The following PARD3B variants were observed in gnomAD, a reference collection of about 807,000 sequenced individuals.
The protein encoded by PARD3B is partitioning defective 3 homolog B.
In PARD3B, 103 loss-of-function variants were observed where a neutral mutation model predicts 130.2. The observed-to-expected ratio is 0.79, with a 90% confidence interval of 0.67 to 0.93. The LOEUF is 0.93. Ranked by LOEUF, PARD3B falls within the 40% of genes least tolerant of loss-of-function variation. PARD3B has a pLI of 0.00. For synonymous variants in PARD3B, 583 were observed against 553.2 expected, an observed-to-expected ratio of 1.05 and a Z score of -0.76; for missense variants, 1,609 against 1,499.2, an observed-to-expected ratio of 1.07 and a Z score of -1.21.
At chr2:205,531,271 A>G (rs180766178) in intron 21 of PARD3B, among the ~76,000 whole-genome samples, 1 of 152,246 alleles carries the variant, frequency 6.6e-6, no homozygotes, top group East Asian at 1.9e-4. Flanking sequence ...AAAACACATC[A>G]TAGGATTAAT....
At chr2:205,580,440 C>G (rs2053920777) in intron 22 of PARD3B, among the ~76,000 whole-genome samples, 1 of 152,132 alleles carries the variant, frequency 6.6e-6, no homozygotes, top group Non-Finnish European at 1.5e-5. Context: ...TGAGTGGTGA[C>G]ACTGTTACAG....
intron 2 of PARD3B, among the ~76,000 whole-genome samples, chr2:204,842,787 G>A (rs1054226454): frequency 1.2e-4 from 19 of 152,068 alleles, no homozygotes; most frequent in Admixed American, 9.8e-4. Context: ...GCAGGCCTGC[G>A]CTGTGGGCTG....
Position 205,550,281 on chromosome 2 carries a change from G to A in PARD3B, c.3181-3043G>A, listed in dbSNP as rs894613320. 6.6e-6 allele frequency among the ~76,000 whole-genome samples: 1 copy of A among 152,044 alleles called. No individual in the cohort carries two copies. Among genetic ancestry groups the A allele is most frequent in the East Asian group, 1.9e-4 (1 of 5,178 alleles). ...GGTGGACTTTGGAATTTCTTCCTGCGGACTCCCACTGCCTCCTTCCTCAGA... is the reference window on the plus strand; with the variant it reads ...GGTGGACTTTGGAATTTCTTCCTGCAGACTCCCACTGCCTCCTTCCTCAGA... On this transcript the variant is annotated intron_variant, in intron 21 of 22. Coordinates refer to ENST00000406610, the MANE Select transcript of PARD3B (RefSeq NM_001302769.2). The surrounding 1 kb of genome is among the most constrained non-coding windows in gnomAD (Gnocchi z 4.5).
In PARD3B at chr2:204,610,259, A is replaced by G. The variant is rs1271629427; in HGVS notation, c.120+64140A>G. On this transcript the variant is annotated intron_variant, in intron 1 of 22. Transcript: ENST00000406610. This position sits in a 1 kb window ranked among gnomAD's most constrained non-coding sequence, Gnocchi z 4.1. The stretch of plus-strand genomic sequence containing the variant: ...GCTTAGGATTTCATTTTTGGTTTAC[A>G]AGTAGTACTAAACAATTATTAAATC... 6.6e-6 allele frequency among the ~76,000 whole-genome samples: 1 copy of G among 152,194 alleles called. No individual in the cohort carries two copies. Among genetic ancestry groups the G allele is most frequent in the East Asian group, 1.9e-4 (1 of 5,186 alleles).
In PARD3B at chr2:205,489,635, TAACTC is replaced by T. The variant is rs757474219; in HGVS notation, c.3045-10258_3045-10254del. On this transcript the variant is annotated intron_variant, in intron 20 of 22. Transcript: ENST00000406610. ...ATTAGAATACTATTCAAAATATAAATAACTCAAATGGGTATTTTATGACTGATGGC... is the reference window on the plus strand; with the variant it reads ...ATTAGAATACTATTCAAAATATAAATAAATGGGTATTTTATGACTGATGGC... Among the ~76,000 whole-genome samples, 77 of 150,996 alleles carry T rather than the reference TAACTC, an allele frequency of 5.1e-4. No individual in the cohort carries two copies. The East Asian group carries it at 0.01, about 21-fold the overall frequency.
At chr2:205,251,643 AAT>A (rs1311007411) in intron 16 of PARD3B, among the ~76,000 whole-genome samples, 1 of 152,200 alleles carries the variant, frequency 6.6e-6, no homozygotes. Flanking sequence ...TTAAAATTTG[AAT>A]GTGCATTTAC....
chr2:205,287,972 A>G lies in PARD3B; in HGVS notation c.2186-12558A>G, dbSNP rs1012139632. Among the ~76,000 whole-genome samples, 7 of 152,228 alleles carry G rather than the reference A, an allele frequency of 4.6e-5. No homozygotes were observed. Among genetic ancestry groups the G allele is most frequent in the African/African-American group, 1.4e-4 (6 of 41,462 alleles). On this transcript the variant is annotated intron_variant, in intron 16 of 22. Coordinates refer to ENST00000406610, the MANE Select transcript of PARD3B (RefSeq NM_001302769.2). The surrounding 1 kb of genome is among the most constrained non-coding windows in gnomAD (Gnocchi z 4.8). ...GGCTGAGTTACTGGGAAACTCCAGT[A>G]TGCTGTCAGATTTCACAACAACATT...
intron 21 of PARD3B, among the ~76,000 whole-genome samples, chr2:205,505,455 G>A (rs2050325429): frequency 6.6e-6 from 1 of 152,076 alleles, no homozygotes; most frequent in Non-Finnish European, 1.5e-5. Context: ...ATGGACTTGA[G>A]ACCTTAAAAT....
chr2:204,685,237 T>C lies in PARD3B; in HGVS notation c.121-944T>C, dbSNP rs190302787. ...AACAAACTGGTATCTGTTCGTTTAT[T>C]GGATACCAAGTGTATTATAGCTCAA... On this transcript the variant is annotated intron_variant, in intron 1 of 22. Coordinates refer to ENST00000406610, the MANE Select transcript of PARD3B (RefSeq NM_001302769.2). Among the ~76,000 whole-genome samples, 366 of 152,290 alleles carry C rather than the reference T, an allele frequency of 2.4e-3. 1 individual carries two copies. The highest frequency in any genetic ancestry group is 8.6e-3 in the African/African-American group (356 of 41,562).
chr2:204,940,932 AAAAGT>A (rs1236656499), intron 2 of PARD3B, among the ~76,000 whole-genome samples: 1 of 152,294 alleles, frequency 6.6e-6, no homozygotes, highest in East Asian at 1.9e-4. Context: ...AGTACAAGAA[AAAAGT>A]AAGAGTTATA....
At chr2:205,507,693 C>T (rs988004736) in intron 21 of PARD3B, among the ~76,000 whole-genome samples, 5 of 152,110 alleles carry the variant, frequency 3.3e-5, no homozygotes, top group African/African-American at 9.7e-5. Flanking sequence ...AAACTGTCTA[C>T]GACAACTTCG....
intron 21 of PARD3B, among the ~76,000 whole-genome samples, chr2:205,528,667 T>C (rs928227835): frequency 6.6e-6 from 1 of 152,104 alleles, no homozygotes; most frequent in African/African-American, 2.4e-5. Context: ...AATTTTTGTA[T>C]TTTTAGTAGA....
At chr2:205,425,038 A>G (rs969054649) in intron 19 of PARD3B, among the ~76,000 whole-genome samples, 1 of 152,196 alleles carries the variant, frequency 6.6e-6, no homozygotes, top group East Asian at 1.9e-4. Flanking sequence ...GGGCTCCCCC[A>G]GGGGCAGATT....
chr2:204,619,680 C>T (rs972299103), intron 1 of PARD3B, among the ~76,000 whole-genome samples: 2 of 152,010 alleles, frequency 1.3e-5, no homozygotes, highest in African/African-American at 2.4e-5. Context: ...CCACGTGAAC[C>T]GATCTTGTTA....
chr2:205,018,795 G>C (rs796607217), intron 3 of PARD3B, among the ~76,000 whole-genome samples: 82 of 134,294 alleles, frequency 6.1e-4, no homozygotes, highest in African/African-American at 2.2e-3. Context: ...TTCACCTATA[G>C]TTGTTTCATG....
chr2:205,270,141 T>C (rs2040663702), intron 16 of PARD3B, among the ~76,000 whole-genome samples: 1 of 152,144 alleles, frequency 6.6e-6, no homozygotes, highest in African/African-American at 2.4e-5. Context: ...GTACTCAAAG[T>C]TAAAAATTTT....
chr2:205,327,321 C>T (rs1293380289), intron 18 of PARD3B, among the ~76,000 whole-genome samples: 2 of 152,146 alleles, frequency 1.3e-5, no homozygotes, highest in Non-Finnish European at 2.9e-5. Context: ...CGGGGACACA[C>T]CTGTTCCTAA....
At chr2:205,114,989 T>A (rs529936963) in intron 6 of PARD3B, among the ~76,000 whole-genome samples, 1 of 152,268 alleles carries the variant, frequency 6.6e-6, no homozygotes, top group African/African-American at 2.4e-5. Flanking sequence ...TTGGCAGAAG[T>A]ATACTGACAG....
intron 21 of PARD3B, among the ~76,000 whole-genome samples, chr2:205,518,504 G>A (rs970165005): frequency 6.6e-6 from 1 of 152,058 alleles, no homozygotes; most frequent in Non-Finnish European, 1.5e-5. Flanking sequence ...CTTGAAGACA[G>A]CTGTCATTCG....
Sources: allele counts gnomAD v4.1 joint callset (sites outside exome capture counted in the v4.1 genomes callset), GRCh38; gene constraint gnomAD v4.1.1; non-coding constraint Gnocchi (gnomAD v3.1); transcripts MANE v1.5; gene names NCBI Gene and HGNC (gene_info 2026-07-23, HGNC 2026-07-21).